SGCD: variants seen among roughly 807,000 people sequenced by gnomAD.
SGCD encodes the protein delta-sarcoglycan.
In SGCD, 18 loss-of-function variants were observed where a neutral mutation model predicts 36.6. The ratio of observed to expected loss-of-function variants is 0.49; its 90% CI spans 0.34 to 0.73. The LOEUF (loss-of-function observed/expected upper bound fraction) is 0.73. SGCD is among the 30% of genes least tolerant of loss of function. The pLI is 0.01. For synonymous variants in SGCD, 133 were observed against 130.6 expected (o/e 1.02, Z -0.12); for missense variants, 387 against 346.7 (o/e 1.12, Z -0.92).
intron 3 of SGCD, among the ~76,000 whole-genome samples, chr5:156,184,100 A>C (rs1763674667): frequency 2.6e-5 from 4 of 152,236 alleles, no homozygotes; most frequent in South Asian, 4.1e-4. Flanking sequence ...CAGATGGGCC[A>C]AAATCATCTA....
chr5:156,057,517 C>T (rs1027825487), intron 1 of SGCD, among the ~76,000 whole-genome samples: 1 of 146,388 alleles, frequency 6.8e-6, no homozygotes, highest in Non-Finnish European at 1.5e-5. Context: ...GGGAACAAAA[C>T]AAAACATCTT....
chr5:156,436,944 A>G (rs139683935), intron 3 of SGCD, among the ~76,000 whole-genome samples: 47 of 152,300 alleles, frequency 3.1e-4, no homozygotes, highest in African/African-American at 1.1e-3. Flanking sequence ...TAGGAATTGC[A>G]GCCACATAGA....
At chr5:156,046,398 C>A (rs1228729000) in intron 1 of SGCD, among the ~76,000 whole-genome samples, 1 of 152,074 alleles carries the variant, frequency 6.6e-6, no homozygotes, top group East Asian at 1.9e-4. Context: ...CTTTATTCTG[C>A]TTCACAGATA....
intron 3 of SGCD, among the ~76,000 whole-genome samples, chr5:156,461,905 T>C (rs1754503669): frequency 6.6e-6 from 1 of 152,196 alleles, no homozygotes; most frequent in Non-Finnish European, 1.5e-5. Context: ...TCAAAAAAGT[T>C]TGGACCCTAA....
chr5:156,743,137 G>GT (rs1756774085), intron 7 of SGCD, among the ~76,000 whole-genome samples: 1 of 109,420 alleles, frequency 9.1e-6, no homozygotes, highest in Non-Finnish European at 1.8e-5. Context: ...TTGAGATGAA[G>GT]TTTTTGCTCT....
At chr5:156,620,738 A>T (rs1382805330) in intron 6 of SGCD, among the ~76,000 whole-genome samples, 1 of 152,188 alleles carries the variant, frequency 6.6e-6, no homozygotes, top group African/African-American at 2.4e-5. Flanking sequence ...AAATAAGCAC[A>T]TTTGGATTTC....
chr5:155,848,264 C>A, the SGCD span, among the ~76,000 whole-genome samples: 1,642 of 152,130 alleles, frequency 0.011, 18 homozygotes, highest in South Asian at 0.058. Flanking sequence ...ATTGAGTGAG[C>A]CTTTTAGTAC....
intron 7 of SGCD, among the ~76,000 whole-genome samples, chr5:156,666,791 A>G (rs1351161975): frequency 6.6e-6 from 1 of 152,050 alleles, no homozygotes; most frequent in Non-Finnish European, 1.5e-5. Context: ...AAGGCAGAAG[A>G]ATTTTTCTTA....
intron 3 of SGCD, among the ~76,000 whole-genome samples, chr5:156,346,136 A>G (rs1768920994): frequency 6.6e-6 from 1 of 152,108 alleles, no homozygotes; most frequent in Non-Finnish European, 1.5e-5. Context: ...TTAGCACTCT[A>G]TAAACCAAGG....
At chr5:155,916,203 T>G (rs1357738656) in intron 1 of SGCD, among the ~76,000 whole-genome samples, 1 of 152,210 alleles carries the variant, frequency 6.6e-6, no homozygotes, top group Non-Finnish European at 1.5e-5. Flanking sequence ...GAGCCTTTTT[T>G]GTAGATGTTT....
intron 3 of SGCD, among the ~76,000 whole-genome samples, chr5:156,467,861 TC>T (rs1310002170): frequency 6.6e-6 from 1 of 152,210 alleles, no homozygotes. Context: ...TTAGTTCACA[TC>T]AACTTTGGAC....
chr5:156,106,993 A>G (rs1002777252), intron 1 of SGCD, among the ~76,000 whole-genome samples: 1 of 152,180 alleles, frequency 6.6e-6, no homozygotes, highest in Non-Finnish European at 1.5e-5. Context: ...ATCACAGAAC[A>G]TATCTCTTCC....
At chr5:156,673,436 C>T (rs1753384294) in intron 7 of SGCD, among the ~76,000 whole-genome samples, 1 of 152,200 alleles carries the variant, frequency 6.6e-6, no homozygotes, top group Non-Finnish European at 1.5e-5. Flanking sequence ...TCTTCTCAAG[C>T]ATGGTTGTCG....
rs755708443 is a variant in SGCD at position 156,668,358 on chromosome 5, C to T, written c.575+20822C>T. Among the ~76,000 whole-genome samples the T allele has an allele frequency of 3.3e-5, 5 of 152,274 alleles. 1 individual carries two copies. The highest frequency in any genetic ancestry group is 4.1e-4 in the South Asian group (2 of 4,822). On this transcript the variant is annotated intron_variant, in intron 7 of 8. Transcript: ENST00000337851. ...TCCTTCCCCTTTTCCCTATTAGTAT[C>T]GTACTATAGTTTGAATTTAACTACA...
chr5:156,741,021 T>G (rs1395784945), intron 7 of SGCD, among the ~76,000 whole-genome samples: 1 of 152,208 alleles, frequency 6.6e-6, no homozygotes, highest in Non-Finnish European at 1.5e-5. Flanking sequence ...TAGGTGTTGG[T>G]GTGAAACTGC....
chr5:155,828,574 A>T, the SGCD span, among the ~76,000 whole-genome samples: 14 of 152,122 alleles, frequency 9.2e-5, no homozygotes, highest in African/African-American at 2.9e-4. Context: ...AAGCCAGCTG[A>T]CTCTGAAGAA....
chr5:156,217,811 A>T (rs1178192238), intron 3 of SGCD, among the ~76,000 whole-genome samples: 5 of 152,142 alleles, frequency 3.3e-5, no homozygotes, highest in Admixed American at 3.3e-4. Context: ...GTATGTATGT[A>T]TGTATATATA....
At chr5:156,230,798 G>A (rs1764996316) in intron 3 of SGCD, among the ~76,000 whole-genome samples, 1 of 152,074 alleles carries the variant, frequency 6.6e-6, no homozygotes, top group African/African-American at 2.4e-5. Context: ...GATGGCTTTA[G>A]TGTCTTGCAT....
intron 1 of SGCD, among the ~76,000 whole-genome samples, chr5:156,106,319 A>G (rs1761647845): frequency 1.3e-5 from 2 of 152,112 alleles, no homozygotes; most frequent in Admixed American, 6.6e-5. Context: ...GGAAACTGTG[A>G]TAGCTATGTA....
Sources: gnomAD v4.1 joint callset for allele counts (sites outside exome capture counted in the v4.1 genomes callset) on GRCh38, gnomAD v4.1.1 for gene constraint, MANE v1.5 for transcripts, NCBI Gene and HGNC (gene_info 2026-07-23, HGNC 2026-07-21) for gene names.